Variants in PRKG1 observed in about 807,000 individuals in gnomAD.
PRKG1 encodes cGMP-dependent protein kinase 1.
In PRKG1, 35 loss-of-function variants were observed where a neutral mutation model predicts 88.1. The observed-to-expected ratio is 0.40, with a 90% confidence interval of 0.30 to 0.53. The LOEUF (loss-of-function observed/expected upper bound fraction) is 0.53. PRKG1 is among the 20% of genes least tolerant of loss of function. PRKG1 has a pLI of 0.59. For synonymous variants in PRKG1, 303 were observed against 292.5 expected (o/e 1.04, Z -0.37); for missense variants, 540 against 839.8 (o/e 0.64, Z 4.41).
chr10:51,832,808 G>A (rs1384721030), intron 4 of PRKG1, among the ~76,000 whole-genome samples: 8 of 152,204 alleles, frequency 5.3e-5, no homozygotes. Flanking sequence ...ATGGAATGGT[G>A]AGGGGAGGAA....
chr10:51,973,316 G>A (rs1017004953), intron 5 of PRKG1, among the ~76,000 whole-genome samples: 1 of 152,142 alleles, frequency 6.6e-6, no homozygotes, highest in African/African-American at 2.4e-5. Flanking sequence ...CCTCCCTGAG[G>A]TTCCAGATCA....
At chr10:51,359,254 A>G (rs1477837650) in intron 2 of PRKG1, among the ~76,000 whole-genome samples, 1 of 151,958 alleles carries the variant, frequency 6.6e-6, no homozygotes, top group Non-Finnish European at 1.5e-5. Flanking sequence ...TAATTATTTA[A>G]GTTAAAATTT....
chr10:51,191,534 T>G (rs1369832197), intron 2 of PRKG1, among the ~76,000 whole-genome samples: 1 of 151,884 alleles, frequency 6.6e-6, no homozygotes, highest in East Asian at 1.9e-4. Flanking sequence ...TTTTGTTTTC[T>G]AACTGTCAAA....
At chr10:52,059,124 A>G (rs1846175852) in intron 6 of PRKG1, among the ~76,000 whole-genome samples, 1 of 152,008 alleles carries the variant, frequency 6.6e-6, no homozygotes, top group Non-Finnish European at 1.5e-5. Flanking sequence ...ACTACTGCAT[A>G]CTTAATAGAA....
At chr10:52,119,443 G>A (rs190317031) in intron 7 of PRKG1, among the ~76,000 whole-genome samples, 24 of 152,146 alleles carry the variant, frequency 1.6e-4, no homozygotes, top group African/African-American at 5.6e-4. Flanking sequence ...ACACAGTCCA[G>A]TTTTGAGGTA....
intron 3 of PRKG1, among the ~76,000 whole-genome samples, chr10:51,597,467 T>G (rs1838483267): frequency 6.6e-6 from 1 of 152,222 alleles, no homozygotes; most frequent in Non-Finnish European, 1.5e-5. Context: ...CTGTTTCAAC[T>G]AACAGATGGA....
At chr10:52,070,250 G>C (rs1846463190) in intron 7 of PRKG1, among the ~76,000 whole-genome samples, 1 of 152,108 alleles carries the variant, frequency 6.6e-6, no homozygotes. Flanking sequence ...GAGATGATTG[G>C]TTTATACCTT....
At chr10:51,280,507 C>A (rs1293751412) in intron 2 of PRKG1, among the ~76,000 whole-genome samples, 1 of 152,224 alleles carries the variant, frequency 6.6e-6, no homozygotes, top group Non-Finnish European at 1.5e-5. Context: ...TCAGGTACAC[C>A]AATCAGATGT....
rs540793600 is a variant in PRKG1 at position 51,230,728 on chromosome 10, T to A, written c.478+77398T>A. On this transcript the variant is annotated intron_variant, in intron 2 of 17. Coordinates refer to ENST00000373980, the MANE Select transcript of PRKG1 (RefSeq NM_006258.4). ...TCTCTAAATTACTTATAATAATGAATGCAAGTAAATGCTATGTAAATAGTT... is the reference window on the plus strand; with the variant it reads ...TCTCTAAATTACTTATAATAATGAAAGCAAGTAAATGCTATGTAAATAGTT... Among the ~76,000 whole-genome samples, 18 of 152,104 alleles carry A rather than the reference T, an allele frequency of 1.2e-4. No individual in the cohort carries two copies. In the East Asian group the frequency reaches 3.3e-3, roughly 28 times the overall value.
At chr10:51,115,410 C>CAGAG (rs10599349) in intron 1 of PRKG1, among the ~76,000 whole-genome samples, 7 of 112,012 alleles carry the variant, frequency 6.2e-5, no homozygotes, top group South Asian at 3.6e-4. Context: ...GGGGGAGAGA[C>CAGAG]AGAGAGAGAG....
At chr10:51,313,387 A>G (rs931937123) in intron 2 of PRKG1, among the ~76,000 whole-genome samples, 5 of 152,064 alleles carry the variant, frequency 3.3e-5, no homozygotes, top group African/African-American at 2.4e-5. Context: ...AGTCTATTCT[A>G]TCTTATTTCA....
intron 2 of PRKG1, among the ~76,000 whole-genome samples, chr10:51,277,479 T>G (rs537049953): frequency 3.5e-3 from 395 of 112,916 alleles, no homozygotes; most frequent in Non-Finnish European, 6.3e-3. Flanking sequence ...TTTAAAGTAG[T>G]TTTTTCCAAT....
intron 2 of PRKG1, among the ~76,000 whole-genome samples, chr10:51,390,763 T>C (rs1299865855): frequency 6.6e-6 from 1 of 152,150 alleles, no homozygotes; most frequent in African/African-American, 2.4e-5. Flanking sequence ...GCAGTAAGCA[T>C]TGATTATTAC....
chr10:52,016,117 G>A (rs188805745), intron 5 of PRKG1, among the ~76,000 whole-genome samples: 1 of 152,276 alleles, frequency 6.6e-6, no homozygotes, highest in African/African-American at 2.4e-5. Context: ...CATCTTTATA[G>A]CAGTACCCTA....
intron 3 of PRKG1, among the ~76,000 whole-genome samples, chr10:51,505,606 T>A (rs905962191): frequency 3.9e-5 from 6 of 152,222 alleles, no homozygotes; most frequent in African/African-American, 1.4e-4. Flanking sequence ...GGTCCTGGAC[T>A]TTTTTTGGTT....
At chr10:51,379,431 C>T (rs943367259) in intron 2 of PRKG1, among the ~76,000 whole-genome samples, 1 of 152,054 alleles carries the variant, frequency 6.6e-6, no homozygotes, top group South Asian at 2.1e-4. Flanking sequence ...GCATAAGAAG[C>T]AAAATATCCA....
intron 2 of PRKG1, chr10:51,302,421 A>G (rs915741480): frequency 6.6e-6 from 1 of 152,172 alleles, no homozygotes; most frequent in Non-Finnish European, 1.5e-5. Flanking sequence ...TTAAGTGCCT[A>G]TGGTGTGTCA....
intron 7 of PRKG1, among the ~76,000 whole-genome samples, chr10:52,063,909 C>G (rs1564453266): frequency 6.6e-6 from 1 of 152,170 alleles, no homozygotes; most frequent in African/African-American, 2.4e-5. Flanking sequence ...ATCTGCTCTG[C>G]TCTGGTTAAG....
At chr10:51,817,291 C>T (rs985526046) in intron 4 of PRKG1, among the ~76,000 whole-genome samples, 1 of 151,804 alleles carries the variant, frequency 6.6e-6, no homozygotes, top group East Asian at 1.9e-4. Context: ...TGGTTTGCTG[C>T]ACCCATCAAC....
Sources: gnomAD v4.1 joint callset for allele counts (sites outside exome capture counted in the v4.1 genomes callset) on GRCh38, gnomAD v4.1.1 for gene constraint, MANE v1.5 for transcripts, NCBI Gene and HGNC (gene_info 2026-07-23, HGNC 2026-07-21) for gene names.